Variants in TMEM232 observed in about 807,000 individuals in gnomAD.
TMEM232 encodes transmembrane protein 232.
TMEM232 carries 80 observed loss-of-function variants against 78.8 expected under a neutral mutation model. The ratio of observed to expected loss-of-function variants is 1.01; its 90% CI spans 0.85 to 1.22. TMEM232 has a LOEUF of 1.22. Among genes scored for constraint, TMEM232 ranks in the 50% most tolerant of loss-of-function variants. TMEM232 has a pLI of 0.00. For missense variants in TMEM232, 881 were observed against 742.2 expected (o/e 1.19, Z -2.17); for synonymous variants, 297 against 254.3 (o/e 1.17, Z -1.60).
intron 12 of TMEM232, among the ~76,000 whole-genome samples, chr5:110,509,795 A>G (rs527389636): frequency 1.6e-3 from 237 of 152,290 alleles, no homozygotes; most frequent in Non-Finnish European, 2.7e-3. Context: ...CTCAGGGATA[A>G]TGAAAAATGA....
At chr5:110,481,990 G>T (rs1763919028) in intron 12 of TMEM232, among the ~76,000 whole-genome samples, 2 of 152,010 alleles carry the variant, frequency 1.3e-5, no homozygotes, top group Non-Finnish European at 2.9e-5. Context: ...ATTTATTACA[G>T]AAACTAAATA....
intron 10 of TMEM232, among the ~76,000 whole-genome samples, chr5:110,571,088 A>G (rs1228739262): frequency 6.6e-6 from 1 of 152,020 alleles, no homozygotes; most frequent in Non-Finnish European, 1.5e-5. Context: ...CATTCTTTCT[A>G]TTAGGAATCC....
intron 12 of TMEM232, among the ~76,000 whole-genome samples, chr5:110,485,621 A>G (rs1201063900): frequency 6.6e-6 from 1 of 152,116 alleles, no homozygotes; most frequent in Non-Finnish European, 1.5e-5. Context: ...TATCCAGGTC[A>G]CTGCAAATGC....
chr5:110,637,797 A>C (rs569244994), intron 5 of TMEM232, among the ~76,000 whole-genome samples: 1 of 152,186 alleles, frequency 6.6e-6, no homozygotes, highest in African/African-American at 2.4e-5. Context: ...AAAGTGACAT[A>C]GAATATTAGA....
chr5:110,427,109 A>C (rs1757324473), intron 12 of TMEM232, among the ~76,000 whole-genome samples: 1 of 152,026 alleles, frequency 6.6e-6, no homozygotes, highest in Non-Finnish European at 1.5e-5. Flanking sequence ...ACACGAGAGA[A>C]GTAAACATTC....
chr5:110,432,913 T>C (rs1022990538), intron 12 of TMEM232, among the ~76,000 whole-genome samples: 4 of 151,514 alleles, frequency 2.6e-5, no homozygotes, highest in Admixed American at 2.0e-4. Context: ...TGATAAAGGG[T>C]TCAATTCAAC....
chr5:110,539,226 C>G (rs1227543754), intron 11 of TMEM232, among the ~76,000 whole-genome samples: 1 of 152,148 alleles, frequency 6.6e-6, no homozygotes, highest in African/African-American at 2.4e-5. Context: ...CAATCAAAAA[C>G]AATACCTAAT....
At chr5:110,626,782 C>T (rs1784479737) in intron 6 of TMEM232, among the ~76,000 whole-genome samples, 1 of 151,996 alleles carries the variant, frequency 6.6e-6, no homozygotes, top group Admixed American at 6.6e-5. Context: ...TGTAGAAACT[C>T]ATCATTTTTC....
chr5:110,519,514 T>C (rs1315384036), intron 12 of TMEM232, among the ~76,000 whole-genome samples: 1 of 152,018 alleles, frequency 6.6e-6, no homozygotes. Flanking sequence ...CACTTGTGGA[T>C]TGTTGGAAGA....
In TMEM232 at chr5:110,397,262, T is replaced by A. The variant is rs192928787; in HGVS notation, n.390+511A>T. 3.4e-4 allele frequency among the ~76,000 whole-genome samples: 52 copies of A among 152,254 alleles called. No homozygotes were observed. In the South Asian group the frequency reaches 3.7e-3, roughly 11 times the overall value. ...TAGATATATGCCATCTGTTTAAAAT[T>A]TAAATGTTATACCATGAAAAACATG... On this transcript the variant is annotated intron_variant and non_coding_transcript_variant, in intron 3 of 8. Coordinates refer to the TMEM232 transcript ENST00000507188.
At chr5:110,682,039 A>G (rs1394671257) in intron 1 of TMEM232, among the ~76,000 whole-genome samples, 1 of 152,168 alleles carries the variant, frequency 6.6e-6, no homozygotes, top group Non-Finnish European at 1.5e-5. Context: ...CTATTAAGAC[A>G]CATTTTTTTT....
intron 12 of TMEM232, among the ~76,000 whole-genome samples, chr5:110,493,977 G>T (rs1765389884): frequency 6.6e-6 from 1 of 151,896 alleles, no homozygotes; most frequent in African/African-American, 2.4e-5. Context: ...TCCCCTGCCT[G>T]TGTCCATATG....
chr5:110,737,837 A>C (rs1799354950), intron 1 of TMEM232, among the ~76,000 whole-genome samples: 1 of 152,206 alleles, frequency 6.6e-6, no homozygotes, highest in Non-Finnish European at 1.5e-5. Context: ...CTATATGGAC[A>C]TTTAAATTTT....
chr5:110,647,152 T>A (rs1787614732), intron 2 of TMEM232, among the ~76,000 whole-genome samples: 1 of 151,932 alleles, frequency 6.6e-6, no homozygotes, highest in African/African-American at 2.4e-5. Flanking sequence ...ACAAAAAAAC[T>A]TGAAACTTTC....
chr5:110,535,543 A>G (rs1772221603), intron 11 of TMEM232, among the ~76,000 whole-genome samples: 3 of 152,204 alleles, frequency 2.0e-5, no homozygotes, highest in South Asian at 4.1e-4. Flanking sequence ...CATGTTTTAC[A>G]CAGTAAATGT....
intron 1 of TMEM232, among the ~76,000 whole-genome samples, chr5:110,698,068 A>G (rs1194635503): frequency 2.0e-5 from 3 of 152,262 alleles, no homozygotes; most frequent in African/African-American, 4.8e-5. Context: ...CTGGATTAAG[A>G]AAATGTGGCA....
chr5:110,609,228 CAT>C (rs1315041202), intron 8 of TMEM232, among the ~76,000 whole-genome samples: 2 of 151,918 alleles, frequency 1.3e-5, no homozygotes, highest in Non-Finnish European at 2.9e-5. Context: ...CAAAAATCCA[CAT>C]GATCCCGAAA....
chr5:110,424,944 ACAT>A, intron 12 of TMEM232, 28 bp from the exon 13 acceptor site: 1 of 1,482,918 alleles, frequency 6.7e-7, no homozygotes, highest in Non-Finnish European at 9.2e-7. Context: ...AACAAATCCA[ACAT>A]TAGGTATAGG....
chr5:110,522,495 TAGG>T (rs1192465824), intron 12 of TMEM232, among the ~76,000 whole-genome samples: 2 of 152,196 alleles, frequency 1.3e-5, no homozygotes, highest in African/African-American at 4.8e-5. Flanking sequence ...TTTCTGATCT[TAGG>T]GGGAAAACAT....
Sources: gnomAD v4.1 joint callset for allele counts (sites outside exome capture counted in the v4.1 genomes callset) on GRCh38, gnomAD v4.1.1 for gene constraint, MANE v1.5 for transcripts, NCBI Gene and HGNC (gene_info 2026-07-23, HGNC 2026-07-21) for gene names.